SKAP1: variants seen among roughly 807,000 people sequenced by gnomAD.
The protein encoded by SKAP1 is src kinase associated phosphoprotein 1.
Under a neutral mutation model 58.5 loss-of-function variants are expected in SKAP1, and 44 were observed. That is an observed-to-expected ratio of 0.75 (90% CI 0.59 to 0.97). SKAP1 has a LOEUF of 0.97. SKAP1 is among the 50% of genes least tolerant of loss of function. The pLI, the probability that SKAP1 is intolerant of heterozygous loss-of-function variation, is 0.00. For synonymous variants in SKAP1, 127 were observed against 149.7 expected (o/e 0.85, Z 1.11); for missense variants, 390 against 435.2 (o/e 0.90, Z 0.92).
chr17:48,215,701 C>T (rs747241234), intron 4 of SKAP1, among the ~76,000 whole-genome samples: 16 of 152,016 alleles, frequency 1.1e-4, no homozygotes, highest in Middle Eastern at 3.4e-3. Context: ...AGTCCAGGCT[C>T]GAGACCACAC....
intron 2 of SKAP1, among the ~76,000 whole-genome samples, chr17:48,367,561 C>CAT (rs143641420): frequency 0.17 from 24,382 of 141,902 alleles, 2,241 homozygotes; most frequent in Admixed American, 0.24. Flanking sequence ...GATATATATC[C>CAT]ATATATATAT....
intron 2 of SKAP1, among the ~76,000 whole-genome samples, chr17:48,374,191 T>C (rs2067124784): frequency 6.8e-6 from 1 of 146,184 alleles, no homozygotes; most frequent in South Asian, 2.1e-4. Context: ...CGCTCCACCA[T>C]GCCTGGCTAA....
At chr17:48,253,005 G>A (rs2065383294) in intron 4 of SKAP1, among the ~76,000 whole-genome samples, 1 of 152,134 alleles carries the variant, frequency 6.6e-6, no homozygotes, top group Admixed American at 6.6e-5. Context: ...TAAGACCACA[G>A]ATTGAGTGAC....
At chr17:48,366,963 G>A (rs1353013499) in intron 2 of SKAP1, among the ~76,000 whole-genome samples, 2 of 152,086 alleles carry the variant, frequency 1.3e-5, no homozygotes, top group Non-Finnish European at 2.9e-5. Context: ...GTCATGCAGT[G>A]GCAGTTAAAA....
intron 11 of SKAP1, among the ~76,000 whole-genome samples, chr17:48,158,903 G>A (rs1471016144): frequency 6.6e-6 from 1 of 151,588 alleles, no homozygotes; most frequent in Non-Finnish European, 1.5e-5. Flanking sequence ...GGAGCCTGCA[G>A]TGAGCCGAGA....
At chr17:48,443,460 C>T in the SKAP1 span, among the ~76,000 whole-genome samples, 124 of 150,102 alleles carry the variant, frequency 8.3e-4, no homozygotes, top group Non-Finnish European at 1.3e-3. Context: ...CAAGGTAAGT[C>T]TGTTTGTTTG....
At chr17:48,167,407 G>A (rs2109982) in intron 10 of SKAP1, among the ~76,000 whole-genome samples, 84,860 of 151,912 alleles carry the variant, frequency 0.56, 24,687 homozygotes, top group East Asian at 0.77. Flanking sequence ...ATTTTAGCTG[G>A]TTAATAATCA....
At chr17:48,257,628 C>CTTTTTTTTTTTTTTT (rs56225931) in intron 4 of SKAP1, among the ~76,000 whole-genome samples, 319 of 111,074 alleles carry the variant, frequency 2.9e-3, no homozygotes, top group Non-Finnish European at 3.6e-3. Context: ...TTCTTTCTTT[C>CTTTTTTTTTTTTTTT]TTTTTTTTTT....
Position 48,184,819 on chromosome 17 carries a change from A to C in SKAP1, c.471T>G (p.Ile157Met), listed in dbSNP as rs767297976. 6.2e-7 allele frequency: 1 copy of C among 1,613,630 alleles called. No individual in the cohort carries two copies. The highest frequency in any genetic ancestry group is 8.5e-7 in the Non-Finnish European group (1 of 1,179,744). ...KSKQPKGTFL[I>M]KGYGVRMAPH... ...GGGCCATCCGTACACCGTAGCCCTT[A>C]ATGAGGAAGGTCCCTTTGGGCTGCT... The change falls in exon 7 of 13, where the codon ATT (isoleucine) becomes ATG (methionine). Residue 157 changes from isoleucine (I) to methionine (M), a missense_variant. Coordinates refer to ENST00000336915, the MANE Select transcript of SKAP1 (RefSeq NM_003726.4).
chr17:48,357,931 T>G (rs1031401920), intron 3 of SKAP1, among the ~76,000 whole-genome samples: 1 of 152,194 alleles, frequency 6.6e-6, no homozygotes, highest in African/African-American at 2.4e-5. Context: ...AGACTGTTGA[T>G]GTTAAAAGGT....
chr17:48,344,280 C>A, intron 4 of SKAP1: 1 of 600,978 alleles, frequency 1.7e-6, no homozygotes, highest in South Asian at 7.5e-5. Context: ...TTAATTGATG[C>A]CTTTATAGTA....
At chr17:48,413,514 C>CAAAAAAAAA (rs1222640261) in intron 1 of SKAP1, among the ~76,000 whole-genome samples, 9 of 99,944 alleles carry the variant, frequency 9.0e-5, no homozygotes, top group Admixed American at 3.4e-4. Flanking sequence ...AACTCCGTCT[C>CAAAAAAAAA]AAAAAAAAAA....
intron 4 of SKAP1, among the ~76,000 whole-genome samples, chr17:48,203,471 T>C (rs1481884382): frequency 6.6e-6 from 1 of 152,186 alleles, no homozygotes; most frequent in East Asian, 1.9e-4. Context: ...AAAAGCAGAA[T>C]AGCTCTTCCG....
chr17:48,317,509 A>G (rs1389640935), intron 4 of SKAP1, among the ~76,000 whole-genome samples: 7 of 152,256 alleles, frequency 4.6e-5, no homozygotes, highest in Admixed American at 1.3e-4. Context: ...TACTTAGACC[A>G]GTAAGCTGGT....
chr17:48,145,208 C>T (rs1304064706), intron 11 of SKAP1, among the ~76,000 whole-genome samples: 1 of 152,128 alleles, frequency 6.6e-6, no homozygotes, highest in Non-Finnish European at 1.5e-5. Flanking sequence ...AACCTTGCCC[C>T]ACCTCCTTGA....
chr17:48,318,168 A>G (rs957400489), intron 4 of SKAP1, among the ~76,000 whole-genome samples: 5 of 152,216 alleles, frequency 3.3e-5, no homozygotes, highest in African/African-American at 7.2e-5. Context: ...AAGAATTGCC[A>G]TGTTGAAACA....
intron 4 of SKAP1, among the ~76,000 whole-genome samples, chr17:48,336,556 A>AAGATGGTAT (rs1486731161): frequency 6.6e-6 from 1 of 152,186 alleles, no homozygotes; most frequent in African/African-American, 2.4e-5. Flanking sequence ...TCAGTCTCAG[A>AAGATGGTAT]AGATGGTATA....
intron 4 of SKAP1, among the ~76,000 whole-genome samples, chr17:48,260,252 C>T (rs1247482388): frequency 6.6e-6 from 1 of 152,114 alleles, no homozygotes; most frequent in Admixed American, 6.6e-5. Flanking sequence ...AAACTAGTAA[C>T]TTAGCATTTT....
chr17:48,313,563 G>A (rs537082732), intron 4 of SKAP1, among the ~76,000 whole-genome samples: 178 of 152,170 alleles, frequency 1.2e-3, no homozygotes, highest in African/African-American at 4.2e-3. Context: ...TGCACTACAT[G>A]TTCAAAGTGT....
Sources: allele counts gnomAD v4.1 joint callset (sites outside exome capture counted in the v4.1 genomes callset), GRCh38; gene constraint gnomAD v4.1.1; transcripts MANE v1.5; gene names NCBI Gene and HGNC (gene_info 2026-07-23, HGNC 2026-07-21).